PIEZO2: variants seen among roughly 807,000 people sequenced by gnomAD.
PIEZO2 encodes piezo-type mechanosensitive ion channel component 2.
Under a neutral mutation model 337.3 loss-of-function variants are expected in PIEZO2, and 172 were observed. The ratio of observed to expected loss-of-function variants is 0.51; its 90% confidence interval spans 0.45 to 0.58. PIEZO2 has a LOEUF of 0.58. PIEZO2 is among the 20% of genes least tolerant of loss of function. PIEZO2 has a pLI of 0.00. For synonymous variants in PIEZO2, 1,251 were observed against 1,228.5 expected (o/e 1.02, Z -0.38); for missense variants, 3,028 against 3,391.3 (o/e 0.89, Z 2.66).
Position 11,045,140 on chromosome 18 carries a change from A to T in PIEZO2, c.160+20987T>A, listed in dbSNP as rs918355664. 1.1e-4 allele frequency among the ~76,000 whole-genome samples: 16 copies of T among 151,920 alleles called. No individual in the cohort carries two copies. The East Asian group carries it at 2.9e-3, about 28-fold the overall frequency. On this transcript the variant is annotated intron_variant, in intron 2 of 55. Transcript: ENST00000674853. Reference sequence around the variant, plus strand: ...GAAACCCCGTCTCTACTAAAAATGCAAAACAAATTAGCCGGGCATGGTGGC... The same window carrying T: ...GAAACCCCGTCTCTACTAAAAATGCTAAACAAATTAGCCGGGCATGGTGGC...
chr18:10,844,465 T>C (rs1411175518), intron 7 of PIEZO2, among the ~76,000 whole-genome samples: 3 of 105,756 alleles, frequency 2.8e-5, no homozygotes, highest in African/African-American at 6.0e-5. Flanking sequence ...GTGGCTTTTC[T>C]GCATTGTTTA....
chr18:10,797,632 A>G, intron 11 of PIEZO2, 110 bp from the exon 12 acceptor site: 1 of 1,447,384 alleles, frequency 6.9e-7, no homozygotes, highest in Non-Finnish European at 9.0e-7. Flanking sequence ...TTTATTTAAG[A>G]TTTCAGAAAT....
In PIEZO2 at chr18:11,033,176, T is replaced by G. The variant is rs192072851; in HGVS notation, c.160+32951A>C. On this transcript the variant is annotated intron_variant, in intron 2 of 55. Coordinates refer to ENST00000674853, the MANE Select transcript of PIEZO2 (RefSeq NM_001378183.1). This position sits in a 1 kb window ranked among gnomAD's most constrained non-coding sequence, Gnocchi z 4.2. ...TTGAGTCCTCTCTACAACACACATG[T>G]GGGCACTGTTCTCTCCTTCATTTCA... Among the ~76,000 whole-genome samples the G allele has an allele frequency of 1.3e-5, 2 of 152,350 alleles. No individual in the cohort carries two copies. The highest frequency in any genetic ancestry group is 3.9e-4 in the East Asian group (2 of 5,192).
intron 11 of PIEZO2, among the ~76,000 whole-genome samples, chr18:10,798,308 A>G (rs1166373790): frequency 6.6e-6 from 1 of 151,906 alleles, no homozygotes; most frequent in Non-Finnish European, 1.5e-5. Context: ...TGGGCTATGT[A>G]TAGGTGGGTT....
At chr18:11,045,523 G>A (rs969500419) in intron 2 of PIEZO2, among the ~76,000 whole-genome samples, 6 of 152,224 alleles carry the variant, frequency 3.9e-5, no homozygotes, top group Non-Finnish European at 5.9e-5. Flanking sequence ...AATCACACAC[G>A]AAATATAAAA....
Position 10,720,470 on chromosome 18 carries a change from T to G in PIEZO2, c.5030-2211A>C, listed in dbSNP as rs866396154. Among the ~76,000 whole-genome samples the G allele has an allele frequency of 4.5e-5, 4 of 88,714 alleles. 1 individual carries two copies. The highest frequency in any genetic ancestry group is 0.014 in the Middle Eastern group (2 of 138). The allele number at this position is 88,714 out of a possible 152,430, so 58.2% of individuals were successfully genotyped here. ...ATATATATATATATATATATATATA[T>G]ATATTAGAGTCAGGTCTTGCTCTGT... is the stretch of plus-strand genomic sequence containing the variant. On this transcript the variant is annotated intron_variant, in intron 36 of 55. Transcript: ENST00000674853.
chr18:10,928,964 C>G (rs1397835443), intron 3 of PIEZO2, among the ~76,000 whole-genome samples: 2 of 152,108 alleles, frequency 1.3e-5, no homozygotes, highest in African/African-American at 4.8e-5. Context: ...CACCTTCATC[C>G]CTGTTTAATG....
rs190239885 is a variant in PIEZO2 at position 10,672,607 on chromosome 18, G to T, written c.8345+83C>A. 2,516 of 1,445,212 alleles carry T rather than the reference G, an allele frequency of 1.7e-3. 5 individuals carry two copies. Among genetic ancestry groups the T allele is most frequent in the Non-Finnish European group, 2.2e-3 (2,323 of 1,059,420 alleles). 89.5% of individuals were successfully genotyped at this position (1,445,212 alleles called of 1,614,324 possible). Reference sequence around the variant, plus strand: ...CAGCTCTAAAATTAGCGAATTCTAAGAAGATAAAAGGCTTCCCACTCTCAA... The same window carrying T: ...CAGCTCTAAAATTAGCGAATTCTAATAAGATAAAAGGCTTCCCACTCTCAA... On this transcript the variant is annotated intron_variant, in intron 55 of 55. Coordinates refer to ENST00000674853, the MANE Select transcript of PIEZO2 (RefSeq NM_001378183.1). The surrounding 1 kb of genome is among the most constrained non-coding windows in gnomAD (Gnocchi z 4.7).
At chr18:10,684,251 C>T (rs1174608832) in intron 49 of PIEZO2, among the ~76,000 whole-genome samples, 2 of 144,538 alleles carry the variant, frequency 1.4e-5, no homozygotes, top group African/African-American at 2.6e-5. Context: ...CTGCAAGCTC[C>T]ACCTCCTGGG....
At chr18:10,842,416 T>C (rs1419882580) in intron 7 of PIEZO2, among the ~76,000 whole-genome samples, 1 of 152,064 alleles carries the variant, frequency 6.6e-6, no homozygotes, top group Admixed American at 6.5e-5. Flanking sequence ...CCATGAAGGG[T>C]TGGGGAGGGA....
chr18:11,001,934 G>GAAGGAAGGAAGGAAGGAAGGAAGGAAGC lies in PIEZO2; in HGVS notation c.161-22275_161-22274insGCTTCCTTCCTTCCTTCCTTCCTTCCTT, dbSNP rs1033214542. Among the ~76,000 whole-genome samples, 20 of 122,512 alleles carry GAAGGAAGGAAGGAAGGAAGGAAGGAAGC rather than the reference G, an allele frequency of 1.6e-4. No individual in the cohort carries two copies. Among genetic ancestry groups the GAAGGAAGGAAGGAAGGAAGGAAGGAAGC allele is most frequent in the African/African-American group, 5.1e-4 (19 of 36,994 alleles). The allele number at this position is 122,512 out of a possible 152,430, so 80.4% of individuals were successfully genotyped here. A position where few individuals can be genotyped will look rare whatever the true frequency, so the allele number is the denominator to read the frequency against. On this transcript the variant is annotated intron_variant, in intron 2 of 55. Coordinates refer to ENST00000674853, the MANE Select transcript of PIEZO2 (RefSeq NM_001378183.1). This position sits in a 1 kb window ranked among gnomAD's most constrained non-coding sequence, Gnocchi z 5.3. Reference sequence around the variant, plus strand: ...GGAAGGAAGGAAGGAAGGAAGGAAGGAAGGAAGGAAGGAAGAAAAAAAGAC... The same window carrying GAAGGAAGGAAGGAAGGAAGGAAGGAAGC: ...GGAAGGAAGGAAGGAAGGAAGGAAGGAAGGAAGGAAGGAAGGAAGGAAGGAAGCAAGGAAGGAAGGAAGAAAAAAAGAC...
At chr18:10,708,466 A>G (rs1038814215) in intron 39 of PIEZO2, 27 bp from the exon 40 acceptor site, 15 of 152,704 alleles carry the variant, frequency 9.8e-5, no homozygotes, top group Non-Finnish European at 2.2e-4. Context: ...TTACAGAAAC[A>G]CAGTGTTAAA....
intron 27 of PIEZO2, among the ~76,000 whole-genome samples, chr18:10,755,338 G>A (rs2037795082): frequency 6.6e-6 from 1 of 152,122 alleles, no homozygotes; most frequent in South Asian, 2.1e-4. Flanking sequence ...ACCTCATATG[G>A]CTCAATAGGG....
At chr18:10,933,060 AC>A (rs1282963218) in intron 3 of PIEZO2, among the ~76,000 whole-genome samples, 1 of 152,144 alleles carries the variant, frequency 6.6e-6, no homozygotes, top group Non-Finnish European at 1.5e-5. Flanking sequence ...GAGGGTGAGG[AC>A]CCTGGAGGCA....
Position 10,705,619 on chromosome 18 carries a change from C to T in PIEZO2, c.5716G>A (p.Glu1906Lys), listed in dbSNP as rs763212098. 301 of 1,537,028 alleles carry T rather than the reference C, an allele frequency of 2.0e-4. No homozygotes were observed. Among genetic ancestry groups the T allele is most frequent in the Non-Finnish European group, 2.5e-4 (284 of 1,146,902 alleles). Residue 1906 changes from glutamate (E) to lysine (K), a missense_variant, in exon 41 of 56, where the codon GAG becomes AAG. Around this residue, in one of 5 missense-constraint regions of PIEZO2, gnomAD observed 1,925 missense variants for 2,051.9 expected, o/e 0.94. Coordinates refer to ENST00000674853, the MANE Select transcript of PIEZO2 (RefSeq NM_001378183.1). The stretch of plus-strand genomic sequence containing the variant: ...GCTCCCACATCGTACCCAGTGGCCT[C>T]GTACTCCTTGGCCTCCCTGGGCTCA... Reference protein sequence around the residue: ...APEPREAKEYEATGYDVGAMG... With the variant: ...APEPREAKEYKATGYDVGAMG...
At chr18:10,797,648 C>T in intron 11 of PIEZO2, 126 bp from the exon 12 acceptor site, 1 of 1,413,732 alleles carries the variant, frequency 7.1e-7, no homozygotes, top group South Asian at 1.5e-5. Context: ...GAAATTGTTT[C>T]CCATTCATAA....
chr18:11,050,116 A>G (rs2037470824), intron 2 of PIEZO2, among the ~76,000 whole-genome samples: 1 of 152,172 alleles, frequency 6.6e-6, no homozygotes, highest in Admixed American at 6.5e-5. Context: ...AAAAAGAACA[A>G]CTAAAATAAC....
intron 3 of PIEZO2, among the ~76,000 whole-genome samples, chr18:10,968,252 T>C (rs1301407021): frequency 6.6e-6 from 1 of 152,228 alleles, no homozygotes; most frequent in East Asian, 1.9e-4. Flanking sequence ...AAAGATCAGT[T>C]AGCTGTTAAG....
At chr18:10,963,336 A>G (rs956325059) in intron 3 of PIEZO2, among the ~76,000 whole-genome samples, 2 of 152,098 alleles carry the variant, frequency 1.3e-5, no homozygotes, top group African/African-American at 4.8e-5. Context: ...GCTGTGAGAT[A>G]TTAGATAGCT....
Sources: allele counts gnomAD v4.1 joint callset (sites outside exome capture counted in the v4.1 genomes callset), GRCh38; gene constraint gnomAD v4.1.1; regional missense constraint gnomAD v4.1.1; non-coding constraint Gnocchi (gnomAD v3.1); transcripts MANE v1.5; gene names NCBI Gene and HGNC (gene_info 2026-07-23, HGNC 2026-07-21).